BMAL2: variants seen among roughly 807,000 people sequenced by gnomAD.
BMAL2 encodes basic helix-loop-helix ARNT-like protein 2.
the BMAL2 span, among the ~76,000 whole-genome samples, chr12:27,361,081 C>T: frequency 6.6e-6 from 1 of 152,060 alleles, no homozygotes; most frequent in Non-Finnish European, 1.5e-5. Flanking sequence ...ATGAAAGAAG[C>T]CATTTTGCCG....
At chr12:27,358,909 A>G in the BMAL2 span, among the ~76,000 whole-genome samples, 3 of 150,318 alleles carry the variant, frequency 2.0e-5, no homozygotes, top group African/African-American at 7.6e-5. Context: ...TATGTGTAAT[A>G]CTATCTATAC....
chr12:27,377,938 T>C, the BMAL2 span, among the ~76,000 whole-genome samples: 1 of 147,312 alleles, frequency 6.8e-6, no homozygotes, highest in African/African-American at 2.5e-5. Context: ...TTCATCGGTG[T>C]TCCTCCCTAC....
chr12:27,345,833 A>G, the BMAL2 span, among the ~76,000 whole-genome samples: 3 of 152,078 alleles, frequency 2.0e-5, no homozygotes, highest in Non-Finnish European at 4.4e-5. Flanking sequence ...TTTCCCCTCT[A>G]TTAATCTTTT....
chr12:27,409,854 G>A, the BMAL2 span, among the ~76,000 whole-genome samples: 15 of 152,078 alleles, frequency 9.9e-5, no homozygotes, highest in Non-Finnish European at 1.9e-4. Flanking sequence ...ATCGGACAAA[G>A]GGCTAATATC....
the BMAL2 span, among the ~76,000 whole-genome samples, chr12:27,406,267 G>T: frequency 6.6e-6 from 1 of 152,136 alleles, no homozygotes; most frequent in African/African-American, 2.4e-5. Flanking sequence ...TCCTCGAGAA[G>T]AGCAACTCTA....
chr12:27,364,075 C>A, the BMAL2 span, among the ~76,000 whole-genome samples: 6 of 152,164 alleles, frequency 3.9e-5, no homozygotes, highest in Admixed American at 3.9e-4. Flanking sequence ...ATGGTATCTT[C>A]TTGCTGCATC....
chr12:27,356,395 C>A, the BMAL2 span, among the ~76,000 whole-genome samples: 1 of 152,120 alleles, frequency 6.6e-6, no homozygotes, highest in East Asian at 1.9e-4. Flanking sequence ...AGCTCAGACC[C>A]CTTGGTGTTA....
At chr12:27,411,535 T>A in the BMAL2 span, among the ~76,000 whole-genome samples, 2 of 152,116 alleles carry the variant, frequency 1.3e-5, no homozygotes, top group Non-Finnish European at 1.5e-5. Context: ...GGAGGATCAC[T>A]TGAGCCCAGG....
At chr12:27,375,635 G>C in the BMAL2 span, among the ~76,000 whole-genome samples, 1 of 152,094 alleles carries the variant, frequency 6.6e-6, no homozygotes, top group African/African-American at 2.4e-5. Flanking sequence ...TGGCATTATG[G>C]GTGCTTTTCC....
At chr12:27,420,585 G>A in the BMAL2 span, 15 of 1,504,776 alleles carry the variant, frequency 1.0e-5, no homozygotes, top group Admixed American at 7.3e-5. Context: ...TTTCATTTAC[G>A]AAAAACTGTC....
At chr12:27,419,424 G>A in the BMAL2 span, among the ~76,000 whole-genome samples, 1 of 152,160 alleles carries the variant, frequency 6.6e-6, no homozygotes, top group African/African-American at 2.4e-5. Context: ...AAAGCAAGAT[G>A]TGGGAAAACT....
chr12:27,411,831 A>G, the BMAL2 span, among the ~76,000 whole-genome samples: 1 of 152,180 alleles, frequency 6.6e-6, no homozygotes, highest in African/African-American at 2.4e-5. Flanking sequence ...TTTGATGTAC[A>G]AAAGTTTTTA....
the BMAL2 span, among the ~76,000 whole-genome samples, chr12:27,346,039 A>C: frequency 6.6e-6 from 1 of 152,232 alleles, no homozygotes; most frequent in Non-Finnish European, 1.5e-5. Flanking sequence ...CCATCAGACG[A>C]GAGACAATGT....
At chr12:27,343,113 A>G in the BMAL2 span, among the ~76,000 whole-genome samples, 1 of 152,216 alleles carries the variant, frequency 6.6e-6, no homozygotes, top group Non-Finnish European at 1.5e-5. Context: ...TGTGATCATC[A>G]TTGTTTGTAG....
chr12:27,343,589 A>G, the BMAL2 span, among the ~76,000 whole-genome samples: 2 of 152,184 alleles, frequency 1.3e-5, no homozygotes, highest in Non-Finnish European at 2.9e-5. Flanking sequence ...GGTGTAGACC[A>G]TCCAAATCTA....
At chr12:27,337,735 TA>T in the BMAL2 span, among the ~76,000 whole-genome samples, 1 of 152,214 alleles carries the variant, frequency 6.6e-6, no homozygotes, top group African/African-American at 2.4e-5. Context: ...GGTCAAATTT[TA>T]AAACTTCTCT....
the BMAL2 span, among the ~76,000 whole-genome samples, chr12:27,411,747 A>T: frequency 2.6e-5 from 4 of 152,128 alleles, no homozygotes; most frequent in Non-Finnish European, 5.9e-5. Context: ...GATATTAACC[A>T]CTTAGCAGAT....
At chr12:27,385,361 A>G in the BMAL2 span, 2 of 568,542 alleles carry the variant, frequency 3.5e-6, no homozygotes, top group Admixed American at 3.2e-5. Flanking sequence ...AAATGATTAC[A>G]GAAAATGTCT....
chr12:27,376,530 T>A, the BMAL2 span: 1 of 632,038 alleles, frequency 1.6e-6, no homozygotes, highest in African/African-American at 1.9e-5. Flanking sequence ...GAAGCAATGT[T>A]ATCAGGCACC....
Sources: allele counts gnomAD v4.1 joint callset (sites outside exome capture counted in the v4.1 genomes callset), GRCh38; gene constraint gnomAD v4.1.1; transcripts MANE v1.5; gene names NCBI Gene and HGNC (gene_info 2026-07-23, HGNC 2026-07-21).